Variants in EML6 observed in about 807,000 individuals in gnomAD.
EML6 encodes the protein EMAP like 6.
Under a neutral mutation model 240.1 loss-of-function variants are expected in EML6, and 154 were observed. The ratio of observed to expected loss-of-function variants is 0.64; its 90% CI spans 0.56 to 0.73. The LOEUF (loss-of-function observed/expected upper bound fraction) is 0.73. Among genes scored for constraint, EML6 ranks in the 30% least tolerant of loss-of-function variants. The probability of loss-of-function intolerance (pLI) is 0.00; values close to 1 mark genes in which losing one functional copy is unlikely to be tolerated. For missense variants in EML6, 2,964 were observed against 2,474.6 expected, an observed-to-expected ratio of 1.20 and a Z score of -4.20; for synonymous variants, 1,148 against 899.0, an observed-to-expected ratio of 1.28 and a Z score of -4.95.
At chr2:54,728,012 G>A (rs978713084) in intron 2 of EML6, among the ~76,000 whole-genome samples, 1 of 152,168 alleles carries the variant, frequency 6.6e-6, no homozygotes, top group African/African-American at 2.4e-5. Context: ...TAAAGATGTT[G>A]CTATGTGAGG....
intron 7 of EML6, among the ~76,000 whole-genome samples, chr2:54,832,394 G>A (rs988210017): frequency 2.6e-5 from 4 of 152,206 alleles, no homozygotes; most frequent in Non-Finnish European, 5.9e-5. Flanking sequence ...TCCGAACAGG[G>A]AGAGACTCTC....
Position 54,916,788 on chromosome 2 carries a change from C to T in EML6, c.3528C>T (p.Thr1176=). 3 of 1,536,868 alleles carry T rather than the reference C, an allele frequency of 2.0e-6. No individual in the cohort carries two copies. The highest frequency in any genetic ancestry group is 1.2e-5 in the South Asian group (1 of 82,390). The part of the protein sequence containing the change: ...EIEKIEWDTW[T]CVLGPTCEGI... Reference sequence around the variant, plus strand: ...AGAAGATAGAGTGGGACACATGGACCTGTGTCCTGGGGCCCACCTGTGAGG... The same window carrying T: ...AGAAGATAGAGTGGGACACATGGACTTGTGTCCTGGGGCCCACCTGTGAGG... Residue 1176 remains threonine, a synonymous_variant, in exon 26 of 42, where the codon ACC becomes ACT. Coordinates refer to ENST00000356458, the MANE Select transcript of EML6 (RefSeq NM_001039753.4).
intron 26 of EML6, among the ~76,000 whole-genome samples, chr2:54,926,102 T>C (rs374159817): frequency 6.6e-6 from 1 of 152,174 alleles, no homozygotes; most frequent in Non-Finnish European, 1.5e-5. Flanking sequence ...TGGAGACATA[T>C]TCCAGATTTT....
At chr2:54,883,278 GT>G (rs926300911) in intron 17 of EML6, among the ~76,000 whole-genome samples, 1 of 151,802 alleles carries the variant, frequency 6.6e-6, no homozygotes, top group African/African-American at 2.4e-5. Flanking sequence ...TCTATAACTG[GT>G]TTTTTTCACT....
At chr2:54,955,520 TTA>T (rs1195666639) in intron 32 of EML6, among the ~76,000 whole-genome samples, 1 of 152,160 alleles carries the variant, frequency 6.6e-6, no homozygotes, top group East Asian at 1.9e-4. Flanking sequence ...AATTGCTTCA[TTA>T]TATGTTTCTT....
At chr2:54,963,108 C>A (rs989230939) in intron 36 of EML6, among the ~76,000 whole-genome samples, 1 of 105,660 alleles carries the variant, frequency 9.5e-6, no homozygotes, top group Non-Finnish European at 1.7e-5. Context: ...TGTGAAATAG[C>A]AAGGAGTGGC....
At chr2:54,749,001 G>A (rs56372116) in intron 2 of EML6, among the ~76,000 whole-genome samples, 1,785 of 152,282 alleles carry the variant, frequency 0.012, 33 homozygotes, top group African/African-American at 0.039. Context: ...GAGTATATGC[G>A]TGTTTCTGTA....
chr2:54,830,871 C>G (rs1035292800), intron 7 of EML6, among the ~76,000 whole-genome samples: 1 of 152,126 alleles, frequency 6.6e-6, no homozygotes, highest in Non-Finnish European at 1.5e-5. Flanking sequence ...CACGGAGGCT[C>G]AGGATGCTGG....
At chr2:54,786,209 T>C (rs1669080327) in intron 2 of EML6, among the ~76,000 whole-genome samples, 1 of 152,062 alleles carries the variant, frequency 6.6e-6, no homozygotes, top group Admixed American at 6.6e-5. Flanking sequence ...GAGTGTCTCT[T>C]TTCCCTGGAA....
chr2:54,831,655 G>A (rs140957805), intron 7 of EML6, among the ~76,000 whole-genome samples: 49 of 152,364 alleles, frequency 3.2e-4, no homozygotes, highest in African/African-American at 1.0e-3. Context: ...TGGGCTTGGC[G>A]TTGACCAGGG....
At chr2:54,844,347 C>T in intron 8 of EML6, 99 bp downstream of exon 8, 2 of 909,866 alleles carry the variant, frequency 2.2e-6, no homozygotes, top group East Asian at 2.7e-5. Context: ...AACAGAACCA[C>T]ACAGTTTCCA....
In EML6 at chr2:54,901,390, C is replaced by T. The variant is rs1558666623; in HGVS notation, c.3124+1608C>T. 2.0e-5 allele frequency among the ~76,000 whole-genome samples: 3 copies of T among 152,196 alleles called. No homozygotes were observed. The South Asian group carries it at 6.2e-4, about 31-fold the overall frequency. ...CCAAAGCCCATGCTCGTAATCACTA[C>T]AGGCTAGAATCATTTTGGCTACTAG... is the stretch of plus-strand genomic sequence containing the variant. On this transcript the variant is annotated intron_variant, in intron 22 of 41. Coordinates refer to ENST00000356458, the MANE Select transcript of EML6 (RefSeq NM_001039753.4).
intron 11 of EML6, among the ~76,000 whole-genome samples, chr2:54,856,105 G>C (rs1670362233): frequency 6.6e-6 from 1 of 152,214 alleles, no homozygotes; most frequent in Non-Finnish European, 1.5e-5. Context: ...TAAGTGTTCT[G>C]CAGTTAATGA....
In EML6 at chr2:54,964,655, G is replaced by C; in HGVS notation, c.5415G>C (p.Leu1805=). 6.4e-7 allele frequency: 1 copy of C among 1,552,390 alleles called. No individual in the cohort carries two copies. Among genetic ancestry groups the C allele is most frequent in the South Asian group, 1.2e-5 (1 of 84,066 alleles). ...ATGACCTCACTCAGGGCACAAATCT[G>C]AACCGCATTGGCTACTGCAAAGATA... The part of the protein sequence containing the change: ...DFYDLTQGTN[L]NRIGYCKDIP... The change falls in exon 38 of 42, where the codon CTG becomes CTC. Residue 1805 remains leucine (L), a synonymous_variant. Coordinates refer to ENST00000356458, the MANE Select transcript of EML6 (RefSeq NM_001039753.4).
chr2:54,793,033 T>C (rs966237592), intron 2 of EML6, among the ~76,000 whole-genome samples: 1 of 152,238 alleles, frequency 6.6e-6, no homozygotes, highest in Non-Finnish European at 1.5e-5. Flanking sequence ...TTTAGGAGGC[T>C]GAGGCAGGCA....
intron 28 of EML6, among the ~76,000 whole-genome samples, chr2:54,939,960 T>C (rs1242570922): frequency 1.3e-5 from 2 of 152,336 alleles, no homozygotes; most frequent in African/African-American, 4.8e-5. Context: ...TAGCAGCAGA[T>C]TATAAAGGAG....
chr2:54,852,640 A>G (rs1670152860), intron 10 of EML6, among the ~76,000 whole-genome samples: 2 of 152,198 alleles, frequency 1.3e-5, no homozygotes, highest in South Asian at 2.1e-4. Flanking sequence ...CTGTGTTCCA[A>G]CTACAGACGT....
intron 2 of EML6, among the ~76,000 whole-genome samples, chr2:54,795,337 G>T (rs149042589): frequency 7.2e-5 from 11 of 152,260 alleles, no homozygotes; most frequent in African/African-American, 2.6e-4. Context: ...TGCCACACTT[G>T]AAAACCATCA....
chr2:54,836,013 C>G (rs73935673), intron 7 of EML6, among the ~76,000 whole-genome samples: 7,657 of 152,248 alleles, frequency 0.05, 636 homozygotes, highest in African/African-American at 0.17. Context: ...CCTCTTGACT[C>G]CTTGCCTCTG....
Sources: gnomAD v4.1 joint callset for allele counts (sites outside exome capture counted in the v4.1 genomes callset) on GRCh38, gnomAD v4.1.1 for gene constraint, MANE v1.5 for transcripts, NCBI Gene and HGNC (gene_info 2026-07-23, HGNC 2026-07-21) for gene names.